SOX6: variants seen among roughly 807,000 people sequenced by gnomAD.
The protein encoded by SOX6 is transcription factor SOX-6.
Under a neutral mutation model 97.8 loss-of-function variants are expected in SOX6, and 11 were observed. The ratio of observed to expected loss-of-function variants is 0.11; its 90% CI spans 0.07 to 0.19. The LOEUF (loss-of-function observed/expected upper bound fraction) is 0.19, where lower values mean the gene tolerates loss of function less well. Ranked by LOEUF, SOX6 falls within the 10% of genes least tolerant of loss-of-function variation. The probability of loss-of-function intolerance (pLI) is 1.00; values close to 1 mark genes in which losing one functional copy is unlikely to be tolerated. For synonymous variants in SOX6, 360 were observed against 371.4 expected, an observed-to-expected ratio of 0.97 and a Z score of 0.35; for missense variants, 810 against 1,039.5, an observed-to-expected ratio of 0.78 and a Z score of 3.04.
chr11:16,204,945 C>T (rs944188924), intron 4 of SOX6, among the ~76,000 whole-genome samples: 1 of 150,864 alleles, frequency 6.6e-6, no homozygotes, highest in Non-Finnish European at 1.5e-5. Context: ...CTATAACATG[C>T]TTCCTCTTTT....
intron 4 of SOX6, among the ~76,000 whole-genome samples, chr11:16,579,859 A>G (rs1848016204): frequency 6.6e-6 from 1 of 152,124 alleles, no homozygotes; most frequent in Non-Finnish European, 1.5e-5. Context: ...ACTTTAGTAA[A>G]TACTGCCAGA....
intron 9 of SOX6, among the ~76,000 whole-genome samples, chr11:16,065,158 G>A (rs991580612): frequency 4.0e-5 from 6 of 151,874 alleles, no homozygotes; most frequent in Non-Finnish European, 5.9e-5. Flanking sequence ...TGATAAATAC[G>A]TTCAGCAAAG....
chr11:16,145,663 C>T (rs1199840339), intron 6 of SOX6, among the ~76,000 whole-genome samples: 2 of 152,140 alleles, frequency 1.3e-5, no homozygotes, highest in Non-Finnish European at 2.9e-5. Context: ...TCTCAGGATA[C>T]AAAATCAATG....
At chr11:16,694,514 C>A (rs1434336619) in intron 3 of SOX6, among the ~76,000 whole-genome samples, 4 of 152,256 alleles carry the variant, frequency 2.6e-5, no homozygotes, top group East Asian at 3.9e-4. Flanking sequence ...CAGAATAAGA[C>A]CCTGTCTCTA....
intron 6 of SOX6, among the ~76,000 whole-genome samples, chr11:16,181,650 G>A (rs927838587): frequency 1.3e-5 from 2 of 151,410 alleles, no homozygotes; most frequent in African/African-American, 2.4e-5. Flanking sequence ...TAAGGAGTAC[G>A]TGTTTTTCAG....
intron 1 of SOX6, among the ~76,000 whole-genome samples, chr11:16,366,222 T>A (rs1857355900): frequency 6.6e-6 from 1 of 152,132 alleles, no homozygotes; most frequent in Non-Finnish European, 1.5e-5. Flanking sequence ...CTGCCAGGAT[T>A]TCATTTGCCA....
intron 4 of SOX6, chr11:16,484,293 C>G: frequency 9.0e-7 from 1 of 1,113,572 alleles, no homozygotes; most frequent in South Asian, 1.2e-5. Context: ...TTGCCCGACT[C>G]ATCCAATGGG....
chr11:16,410,541 G>C (rs1858783908), intron 1 of SOX6, among the ~76,000 whole-genome samples: 1 of 152,050 alleles, frequency 6.6e-6, no homozygotes, highest in Non-Finnish European at 1.5e-5. Flanking sequence ...AAGATTGCTT[G>C]AGCCCAGGAG....
Position 16,698,163 on chromosome 11 carries a change from G to C in SOX6, n.429+16667C>G, listed in dbSNP as rs1848067672. ...CAATGGCATCTTCTTCCAATATAAG[G>C]CTATTTCATTTACAGTGAAAATCTG... On this transcript the variant is annotated intron_variant and non_coding_transcript_variant, in intron 3 of 5. Transcript: ENST00000524520. Among the ~76,000 whole-genome samples the C allele has an allele frequency of 3.3e-5, 5 of 152,220 alleles. No homozygotes were observed. The South Asian group carries it at 1.0e-3, about 32-fold the overall frequency.
At chr11:16,438,705 A>G (rs1859438108) in intron 1 of SOX6, among the ~76,000 whole-genome samples, 1 of 62,490 alleles carries the variant, frequency 1.6e-5, no homozygotes, top group Non-Finnish European at 2.9e-5. Flanking sequence ...ATATCAGTGA[A>G]AAAAAAAAAA....
chr11:16,403,753 T>C (rs1366658850), intron 1 of SOX6, among the ~76,000 whole-genome samples: 1 of 151,806 alleles, frequency 6.6e-6, no homozygotes, highest in East Asian at 1.9e-4. Flanking sequence ...AATGCTAATT[T>C]AAGAATTCTG....
At chr11:16,411,059 G>A (rs1276569476) in intron 1 of SOX6, among the ~76,000 whole-genome samples, 2 of 151,984 alleles carry the variant, frequency 1.3e-5, no homozygotes, top group South Asian at 4.2e-4. Flanking sequence ...GTCAGAGAAG[G>A]CTCTTCCTAG....
chr11:16,672,770 A>AGACCCATCTCACATGTAAT (rs1443179629), intron 3 of SOX6, among the ~76,000 whole-genome samples: 3 of 152,210 alleles, frequency 2.0e-5, no homozygotes, highest in Non-Finnish European at 4.4e-5. Flanking sequence ...TGCCTTCAAG[A>AGACCCATCTCACATGTAAT]GACCCATCTC....
intron 1 of SOX6, among the ~76,000 whole-genome samples, chr11:16,440,799 C>A (rs1247294011): frequency 6.6e-6 from 1 of 152,052 alleles, no homozygotes; most frequent in African/African-American, 2.4e-5. Flanking sequence ...AGAAGAGTTA[C>A]CAGGATAAGT....
intron 15 of SOX6, among the ~76,000 whole-genome samples, chr11:15,978,438 C>G (rs1853557092): frequency 6.6e-6 from 1 of 151,824 alleles, no homozygotes; most frequent in Admixed American, 6.6e-5. Flanking sequence ...TATAGCTGAT[C>G]ATTTTCTCCT....
intron 2 of SOX6, among the ~76,000 whole-genome samples, chr11:16,729,921 C>T (rs1022492965): frequency 4.6e-5 from 7 of 151,298 alleles, no homozygotes; most frequent in Admixed American, 6.6e-5. Context: ...GGTTGCAATC[C>T]GAGTCTCTGA....
chr11:16,248,205 G>T (rs1853398309), intron 3 of SOX6, among the ~76,000 whole-genome samples: 1 of 152,146 alleles, frequency 6.6e-6, no homozygotes, highest in African/African-American at 2.4e-5. Flanking sequence ...GCAAGGTAAA[G>T]CCCAACCCCT....
At chr11:16,665,767 C>G (rs1587570) in intron 3 of SOX6, among the ~76,000 whole-genome samples, 46,243 of 152,096 alleles carry the variant, frequency 0.3, 8,392 homozygotes, top group Non-Finnish European at 0.4. Flanking sequence ...TAGGTTTGAC[C>G]CAGTGCAGTC....
At chr11:16,419,643 T>A (rs948009030) in intron 1 of SOX6, among the ~76,000 whole-genome samples, 1 of 152,148 alleles carries the variant, frequency 6.6e-6, no homozygotes, top group African/African-American at 2.4e-5. Flanking sequence ...ATAATAATGA[T>A]GAAAAATACA....
Sources: gnomAD v4.1 joint callset for allele counts (sites outside exome capture counted in the v4.1 genomes callset) on GRCh38, gnomAD v4.1.1 for gene constraint, MANE v1.5 for transcripts, NCBI Gene and HGNC (gene_info 2026-07-23, HGNC 2026-07-21) for gene names.